Variants in ATAD2B observed in about 807,000 individuals in gnomAD.
ATAD2B encodes the protein ATPase family AAA domain containing 2B.
A neutral mutation model predicts 167.6 loss-of-function variants in ATAD2B; 40 were observed. The observed-to-expected ratio is 0.24, with a 90% CI of 0.19 to 0.31. The LOEUF is 0.31. Ranked by LOEUF, ATAD2B falls within the 10% of genes least tolerant of loss-of-function variation. The probability of loss-of-function intolerance (pLI) is 1.00; values close to 1 mark genes in which losing one functional copy is unlikely to be tolerated. For synonymous variants in ATAD2B, 579 were observed against 596.5 expected, an observed-to-expected ratio of 0.97 and a Z score of 0.43; for missense variants, 1,242 against 1,757.2, an observed-to-expected ratio of 0.71 and a Z score of 5.24.
intron 22 of ATAD2B, among the ~76,000 whole-genome samples, chr2:23,780,664 C>T (rs1411552496): frequency 6.6e-6 from 1 of 152,096 alleles, no homozygotes; most frequent in Non-Finnish European, 1.5e-5. Context: ...CTCTGGGAGG[C>T]CGAGAGGGGC....
At chr2:23,687,056 G>A in the ATAD2B span, among the ~76,000 whole-genome samples, 2 of 152,158 alleles carry the variant, frequency 1.3e-5, no homozygotes, top group South Asian at 2.1e-4. Context: ...CAGTCCCCTT[G>A]GCATCCGTGA....
intron 2 of ATAD2B, among the ~76,000 whole-genome samples, chr2:23,891,204 G>A (rs1429568535): frequency 6.6e-6 from 1 of 151,966 alleles, no homozygotes; most frequent in Admixed American, 6.6e-5. Context: ...TATTTTAGTA[G>A]AGACAGGGTT....
chr2:23,759,928 T>C (rs1464072594), intron 24 of ATAD2B, among the ~76,000 whole-genome samples: 1 of 152,206 alleles, frequency 6.6e-6, no homozygotes. Context: ...TTTTACTACC[T>C]GACAGGCCAT....
chr2:23,905,641 T>C (rs2150465955), intron 1 of ATAD2B, among the ~76,000 whole-genome samples: 1 of 152,336 alleles, frequency 6.6e-6, no homozygotes, highest in East Asian at 1.9e-4. Flanking sequence ...ATGAGATTGT[T>C]AGAAGAATCA....
Position 23,751,697 on chromosome 2 carries a change from C to T in ATAD2B, c.*349G>A. 3.9e-6 allele frequency: 1 copy of T among 258,636 alleles called. No homozygotes were observed. Among genetic ancestry groups the T allele is most frequent in the Non-Finnish European group, 7.3e-6 (1 of 137,496 alleles). 16.0% of individuals were successfully genotyped at this position (258,636 alleles called of 1,614,324 possible). A position where few individuals can be genotyped will look rare whatever the true frequency, so the allele number is the denominator to read the frequency against. ...TAGAACTGCCCCCATCCAGTTTCCTCCTGTTTGCTGGTCTGCTCCCTAAGA... is the reference window on the plus strand; with the variant it reads ...TAGAACTGCCCCCATCCAGTTTCCTTCTGTTTGCTGGTCTGCTCCCTAAGA... On this transcript the variant is annotated 3_prime_UTR_variant, in exon 28 of 28. Coordinates refer to ENST00000238789, the MANE Select transcript of ATAD2B (RefSeq NM_017552.4).
rs191205177 is a variant in ATAD2B, at chr2:23,883,701, A to C, written c.784+1064T>G. ...TAGAAATATCACCTCTTCAAAATTGACTAATAAAATATTAACTACAGAATT... is the reference window on the plus strand; with the variant it reads ...TAGAAATATCACCTCTTCAAAATTGCCTAATAAAATATTAACTACAGAATT... On this transcript the variant is annotated intron_variant, in intron 6 of 27. Coordinates refer to ENST00000238789, the MANE Select transcript of ATAD2B (RefSeq NM_017552.4). 131 of 831,050 alleles carry C rather than the reference A, an allele frequency of 1.6e-4. No homozygotes were observed. The African/African-American group carries it at 2.3e-3, about 14-fold the overall frequency. 51.5% of individuals were successfully genotyped at this position (831,050 alleles called of 1,614,324 possible).
At chr2:23,856,472 T>C (rs1693428729) in intron 13 of ATAD2B, 2 of 416,988 alleles carry the variant, frequency 4.8e-6, no homozygotes, top group Non-Finnish European at 9.9e-6. Flanking sequence ...AAATCTCCCA[T>C]CAGATGGTAG....
chr2:23,848,570 T>C (rs904567305), intron 13 of ATAD2B, among the ~76,000 whole-genome samples: 1 of 152,184 alleles, frequency 6.6e-6, no homozygotes, highest in Non-Finnish European at 1.5e-5. Context: ...ATATGTGAAA[T>C]GGCCTATCAT....
At chr2:23,734,486 A>T in the ATAD2B span, among the ~76,000 whole-genome samples, 1 of 152,132 alleles carries the variant, frequency 6.6e-6, no homozygotes, top group Non-Finnish European at 1.5e-5. Flanking sequence ...AAAAGAAAAG[A>T]GGTTTGACTG....
chr2:23,853,076 A>G (rs577781143), intron 13 of ATAD2B, among the ~76,000 whole-genome samples: 2 of 152,346 alleles, frequency 1.3e-5, no homozygotes, highest in South Asian at 4.1e-4. Flanking sequence ...ACAGCAAACT[A>G]GGAATATAGT....
At chr2:23,738,455 C>T in the ATAD2B span, among the ~76,000 whole-genome samples, 2 of 152,130 alleles carry the variant, frequency 1.3e-5, no homozygotes, top group Non-Finnish European at 2.9e-5. Context: ...AACTAAGCTT[C>T]ATAAGTGAAG....
Position 23,880,697 on chromosome 2 carries a change from A to G in ATAD2B, c.843T>C (p.Asp281=). ...EVEEAEGEEN[D]RPYNLRQRKT... is the part of the protein sequence containing the mutation. Reference sequence around the variant, plus strand: ...TTCTCTGTCTCAAATTATATGGTCTATCATTTTCTTCTCCTTCTGCCTCTT... The same window carrying G: ...TTCTCTGTCTCAAATTATATGGTCTGTCATTTTCTTCTCCTTCTGCCTCTT... The change falls in exon 7 of 28, where the codon GAT becomes GAC. Residue 281 remains aspartate (D), a synonymous_variant. Transcript: ENST00000238789. The G allele has an allele frequency of 6.8e-6, 11 of 1,610,852 alleles. No individual in the cohort carries two copies. The highest frequency in any genetic ancestry group is 9.3e-6 in the Non-Finnish European group (11 of 1,178,242).
the ATAD2B span, chr2:23,703,941 G>A: frequency 1.4e-6 from 2 of 1,423,730 alleles, no homozygotes; most frequent in African/African-American, 1.4e-5. Context: ...ATGATTTCCT[G>A]CCATCAGTGA....
At chr2:23,700,043 G>A in the ATAD2B span, among the ~76,000 whole-genome samples, 4 of 152,092 alleles carry the variant, frequency 2.6e-5, no homozygotes, top group East Asian at 1.9e-4. The surrounding 1 kb of genome is among the most constrained non-coding windows in gnomAD (Gnocchi z 4.6). Flanking sequence ...CCTCTCTCCT[G>A]TGCAAATGGA....
At chr2:23,891,655 AT>A (rs1310623731) in intron 2 of ATAD2B, among the ~76,000 whole-genome samples, 10 of 151,266 alleles carry the variant, frequency 6.6e-5, no homozygotes, top group Admixed American at 2.6e-4. Context: ...CACCTGGCTA[AT>A]TTTTGTATTT....
chr2:23,794,088 C>T (rs1682233541), intron 19 of ATAD2B, among the ~76,000 whole-genome samples: 1 of 152,210 alleles, frequency 6.6e-6, no homozygotes, highest in Admixed American at 6.5e-5. Context: ...TCTTGGCTCA[C>T]TGCATCCACC....
At chr2:23,810,035 G>A (rs1373078058) in intron 18 of ATAD2B, among the ~76,000 whole-genome samples, 1 of 152,100 alleles carries the variant, frequency 6.6e-6, no homozygotes, top group Non-Finnish European at 1.5e-5. Flanking sequence ...CAGAGGGTCA[G>A]AAAAAGGCAA....
intron 13 of ATAD2B, among the ~76,000 whole-genome samples, chr2:23,848,531 C>G (rs1450435131): frequency 6.6e-6 from 1 of 151,988 alleles, no homozygotes; most frequent in African/African-American, 2.4e-5. Flanking sequence ...AAGAAAAATG[C>G]AAGTATACTA....
In ATAD2B at chr2:23,754,300, A is replaced by G; in HGVS notation, c.4214T>C (p.Leu1405Pro). The G allele has an allele frequency of 6.5e-7, 1 of 1,547,812 alleles. No homozygotes were observed. Among genetic ancestry groups the G allele is most frequent in the Non-Finnish European group, 8.7e-7 (1 of 1,149,452 alleles). Residue 1405 changes from leucine (L) to proline (P), a missense_variant, in exon 27 of 28, where the codon CTT (leucine) becomes CCT (proline). This residue lies in a region of ATAD2B where 282 missense variants were observed against 346.8 expected (regional missense o/e 0.81). Coordinates refer to ENST00000238789, the MANE Select transcript of ATAD2B (RefSeq NM_017552.4). ...GTTGCTTTTATCCACCAACAAATCAAGCAATTTCTAAGAAAAAACAGAAAA... is the reference window on the plus strand; with the variant it reads ...GTTGCTTTTATCCACCAACAAATCAGGCAATTTCTAAGAAAAAACAGAAAA... ...IVDRERLKKL[L>P]DLLVDKSNNL...
Sources: allele counts gnomAD v4.1 joint callset (sites outside exome capture counted in the v4.1 genomes callset), GRCh38; gene constraint gnomAD v4.1.1; regional missense constraint gnomAD v4.1.1; non-coding constraint Gnocchi (gnomAD v3.1); transcripts MANE v1.5; gene names NCBI Gene and HGNC (gene_info 2026-07-23, HGNC 2026-07-21).